The following MYO5A variants were observed in gnomAD, a reference collection of about 807,000 sequenced individuals.
MYO5A encodes unconventional myosin-Va.
In MYO5A, 98 loss-of-function variants were observed where a neutral mutation model predicts 249.7. That is an observed-to-expected ratio of 0.39 (90% CI 0.33 to 0.46). The LOEUF (loss-of-function observed/expected upper bound fraction) is 0.46, where lower values mean the gene tolerates loss of function less well. MYO5A is among the 20% of genes least tolerant of loss of function. The pLI is 0.98. For missense variants in MYO5A, 1,696 were observed against 2,308.8 expected (o/e 0.73, Z 5.44); for synonymous variants, 778 against 810.6 (o/e 0.96, Z 0.68).
chr15:52,350,009 T>C (rs562931106), intron 28 of MYO5A, among the ~76,000 whole-genome samples: 1 of 152,372 alleles, frequency 6.6e-6, no homozygotes, highest in East Asian at 1.9e-4. Context: ...CTCGGCTCAC[T>C]GCAAGCTCCG....
rs1295389152 is a variant in MYO5A, at chr15:52,500,459, G to C, written c.27+28321C>G. On this transcript the variant is annotated intron_variant, in intron 1 of 41. Coordinates refer to ENST00000399233, the MANE Select transcript of MYO5A (RefSeq NM_001382347.1). Reference sequence around the variant, plus strand: ...CCCCTAGGGTTCAAGTGATTCTCCTGCCTCAGCCTCCTGAGTAGCTGGGAT... The same window carrying C: ...CCCCTAGGGTTCAAGTGATTCTCCTCCCTCAGCCTCCTGAGTAGCTGGGAT... 2.0e-5 allele frequency among the ~76,000 whole-genome samples: 3 copies of C among 151,032 alleles called. No individual in the cohort carries two copies. In the East Asian group the frequency reaches 5.9e-4, roughly 29 times the overall value.
At position 52,364,504 on chromosome 15, in the gene MYO5A, T is replaced by C. The variant is rs754654419; in HGVS notation, c.3309+50A>G. On this transcript the variant is annotated intron_variant, in intron 24 of 41. Coordinates refer to ENST00000399233, the MANE Select transcript of MYO5A (RefSeq NM_001382347.1). ...CATTCTACTATTCTATTTACTTTTG[T>C]ATATGTTTAAAATTTTTCATTAAAA... The C allele has an allele frequency of 1.6e-5, 24 of 1,538,444 alleles. 1 individual carries two copies. Among genetic ancestry groups the C allele is most frequent in the South Asian group, 1.3e-4 (11 of 85,602 alleles).
chr15:52,436,408 A>G (rs770410920), intron 1 of MYO5A, among the ~76,000 whole-genome samples: 1 of 152,118 alleles, frequency 6.6e-6, no homozygotes, highest in Non-Finnish European at 1.5e-5. Context: ...AGCCCTCTAT[A>G]ATGTACTTCT....
intron 9 of MYO5A, among the ~76,000 whole-genome samples, chr15:52,401,479 T>C (rs1438629690): frequency 6.6e-6 from 1 of 152,218 alleles, no homozygotes; most frequent in Non-Finnish European, 1.5e-5. Context: ...CTAAGCACAC[T>C]GAAGATATTA....
intron 27 of MYO5A, 135 bp downstream of exon 27, chr15:52,353,470 C>T (rs1288623476): frequency 4.0e-6 from 3 of 748,408 alleles, no homozygotes; most frequent in Non-Finnish European, 2.4e-6. Flanking sequence ...AGAAGTAATG[C>T]TGAATAAGGC....
In MYO5A at chr15:52,372,189, A is replaced by G. The variant is rs1372236599; in HGVS notation, c.2752T>C (p.Tyr918His). Residue 918 changes from tyrosine (Y) to histidine (H), a missense_variant, in exon 21 of 42, where the codon TAT becomes CAT. This residue lies in a region of MYO5A where 412 missense variants were observed against 453.3 expected (regional missense o/e 0.91). Transcript: ENST00000399233. ...LKIEARSVER[Y>H]KKLHIGMENK... ...TCCATGCCGATGTGCAGCTTCTTAT[A>G]GCGCTCCACTGAGCGAGCCTCGATT... is the stretch of plus-strand genomic sequence containing the variant. The G allele has an allele frequency of 6.2e-7, 1 of 1,613,646 alleles. No individual in the cohort carries two copies. The highest frequency in any genetic ancestry group is 8.5e-7 in the Non-Finnish European group (1 of 1,180,030).
At chr15:52,329,237 T>A (rs2038754000) in intron 35 of MYO5A, 1 of 152,180 alleles carries the variant, frequency 6.6e-6, no homozygotes, top group Non-Finnish European at 1.5e-5. Context: ...CTCCTTAACA[T>A]TTTTGCTAAA....
intron 4 of MYO5A, among the ~76,000 whole-genome samples, chr15:52,422,992 G>C (rs927439267): frequency 1.3e-5 from 2 of 152,094 alleles, no homozygotes; most frequent in Admixed American, 6.6e-5. Context: ...TTAAGTGATC[G>C]GCCTACAGAC....
chr15:52,400,460 C>T (rs554098812), intron 9 of MYO5A, among the ~76,000 whole-genome samples: 244 of 152,340 alleles, frequency 1.6e-3, no homozygotes, highest in African/African-American at 5.7e-3. Flanking sequence ...CATTTTACCA[C>T]ATTCCCTTTG....
Position 52,311,789 on chromosome 15 carries a change from G to A in MYO5A, c.*1907C>T, listed in dbSNP as rs1466957536. 6 of 152,606 alleles carry A rather than the reference G, an allele frequency of 3.9e-5. No homozygotes were observed. The highest frequency in any genetic ancestry group is 1.2e-4 in the African/African-American group (5 of 41,452). 9.5% of individuals were successfully genotyped at this position (152,606 alleles called of 1,614,324 possible). ...AGAGAATTTTAAATGTGGAGGAGATGTTAAGAATCAGTGTCCAACTCTCTT... is the reference window on the plus strand; with the variant it reads ...AGAGAATTTTAAATGTGGAGGAGATATTAAGAATCAGTGTCCAACTCTCTT... On this transcript the variant is annotated 3_prime_UTR_variant, in exon 42 of 42. Transcript: ENST00000399233.
At chr15:52,421,870 G>A (rs1003577482) in intron 4 of MYO5A, among the ~76,000 whole-genome samples, 1 of 152,192 alleles carries the variant, frequency 6.6e-6, no homozygotes, top group Non-Finnish European at 1.5e-5. Flanking sequence ...TACGTGACTA[G>A]TACAGATGTC....
chr15:52,525,269 T>C (rs1289412755), intron 1 of MYO5A, among the ~76,000 whole-genome samples: 1 of 152,222 alleles, frequency 6.6e-6, no homozygotes, highest in Non-Finnish European at 1.5e-5. Context: ...CTTTAAATGG[T>C]GAATTATATG....
At chr15:52,462,531 C>T (rs906878941) in intron 1 of MYO5A, among the ~76,000 whole-genome samples, 5 of 151,874 alleles carry the variant, frequency 3.3e-5, no homozygotes, top group African/African-American at 9.7e-5. Context: ...TACTAGAGAA[C>T]GAAGCAGCAC....
In MYO5A at chr15:52,336,522, G is replaced by A. The variant is rs201575346; in HGVS notation, c.4349C>T (p.Thr1450Met). 7.2e-5 allele frequency: 116 copies of A among 1,607,968 alleles called. No homozygotes were observed. The highest frequency in any genetic ancestry group is 7.4e-5 in the Non-Finnish European group (87 of 1,176,390). Residue 1450 changes from threonine to methionine, a missense_variant, in exon 34 of 42, where the codon ACG becomes ATG. By Grantham distance (81) the Thr-to-Met change is moderately conservative (BLOSUM62 -1). This residue lies in a region of MYO5A where 625 missense variants were observed against 908.1 expected (regional missense o/e 0.69). Coordinates refer to ENST00000399233, the MANE Select transcript of MYO5A (RefSeq NM_001382347.1). ...LMEQLEKQDK[T>M]VRKLKKQLKV... ...CAGTTGTTTTTTCAGTTTACGGACC[G>A]TCTTATCCTGTTTTTCAAGTTGTTC...
intron 36 of MYO5A, among the ~76,000 whole-genome samples, chr15:52,326,826 G>A (rs2038633548): frequency 6.6e-6 from 1 of 152,150 alleles, no homozygotes; most frequent in South Asian, 2.1e-4. Context: ...CTCTCGTTAA[G>A]TTTGATAATC....
At chr15:52,491,486 C>G (rs909094430) in intron 1 of MYO5A, among the ~76,000 whole-genome samples, 5 of 152,174 alleles carry the variant, frequency 3.3e-5, no homozygotes, top group Non-Finnish European at 5.9e-5. Context: ...TGTACCAACT[C>G]TAGATAATTA....
At chr15:52,443,953 A>C (rs1367387617) in intron 1 of MYO5A, among the ~76,000 whole-genome samples, 1 of 152,138 alleles carries the variant, frequency 6.6e-6, no homozygotes, top group Non-Finnish European at 1.5e-5. Flanking sequence ...ACTACACTCC[A>C]GCCTGGGCAA....
chr15:52,481,914 T>C (rs2076722772), intron 1 of MYO5A, among the ~76,000 whole-genome samples: 1 of 152,230 alleles, frequency 6.6e-6, no homozygotes, highest in Non-Finnish European at 1.5e-5. Flanking sequence ...TGGACAAATT[T>C]TGTATGTCCA....
At chr15:52,407,968 G>A in intron 7 of MYO5A, 91 bp downstream of exon 7, 1 of 877,522 alleles carries the variant, frequency 1.1e-6, no homozygotes, top group South Asian at 1.4e-5. Flanking sequence ...ATTCCAACAT[G>A]AGATAAGCTC....
Sources: gnomAD v4.1 joint callset for allele counts (sites outside exome capture counted in the v4.1 genomes callset) on GRCh38, gnomAD v4.1.1 for gene constraint, gnomAD v4.1.1 regional missense constraint, MANE v1.5 for transcripts, NCBI Gene and HGNC (gene_info 2026-07-23, HGNC 2026-07-21) for gene names.